RAB18: variants seen among roughly 807,000 people sequenced by gnomAD.
The protein encoded by RAB18 is ras-related protein Rab-18.
A neutral mutation model predicts 28.5 loss-of-function variants in RAB18; 10 were observed. The observed-to-expected ratio is 0.35, with a 90% CI of 0.22 to 0.60. The LOEUF (loss-of-function observed/expected upper bound fraction) is 0.60, where lower values mean the gene tolerates loss of function less well. RAB18 is among the 20% of genes least tolerant of loss of function. The pLI is 0.78. For missense variants in RAB18, 188 were observed against 244.2 expected, an observed-to-expected ratio of 0.77 and a Z score of 1.53; for synonymous variants, 93 against 86.9, an observed-to-expected ratio of 1.07 and a Z score of -0.39.
In RAB18 at chr10:27,532,493, A is replaced by T. The variant is rs1834808058; in HGVS notation, c.187-14A>T. 6.4e-7 allele frequency: 1 copy of T among 1,571,996 alleles called. No individual in the cohort carries two copies. Among genetic ancestry groups the T allele is most frequent in the East Asian group, 2.2e-5 (1 of 44,490 alleles). ...TTATACTTTGTTTAATTTAATAATAATGATCATTTTTAGGATACTGCTGGT... is the reference window on the plus strand; with the variant it reads ...TTATACTTTGTTTAATTTAATAATATTGATCATTTTTAGGATACTGCTGGT... On this transcript the variant is annotated splice_polypyrimidine_tract_variant and intron_variant, in intron 3 of 6. Coordinates refer to ENST00000356940, the MANE Select transcript of RAB18 (RefSeq NM_021252.5).
rs750802844 is a variant in RAB18 at position 27,541,886 on chromosome 10, C to T, written c.*3835C>T. The stretch of plus-strand genomic sequence containing the variant: ...GGTTTGGGTGGCATTGTCACACCCT[C>T]GGCTTTCTAGATTAACCCAGTTACC... On this transcript the variant is annotated 3_prime_UTR_variant, in exon 7 of 7. Transcript: ENST00000356940. 7 of 452,738 alleles carry T rather than the reference C, an allele frequency of 1.5e-5. No homozygotes were observed. The highest frequency in any genetic ancestry group is 2.2e-5 in the Non-Finnish European group (5 of 226,508). The allele number at this position is 452,738 out of a possible 1,614,324, so 28.0% of individuals were successfully genotyped here.
Position 27,538,808 on chromosome 10 carries a change from G to T in RAB18, c.*757G>T, listed in dbSNP as rs76051289. On this transcript the variant is annotated 3_prime_UTR_variant, in exon 7 of 7. Coordinates refer to ENST00000356940, the MANE Select transcript of RAB18 (RefSeq NM_021252.5). ...TTTTCCCCCATTTTGGTTTCAGGAG[G>T]ACATGAATAGTGTGTTTATTGTAAC... 8.0e-3 allele frequency: 3,649 copies of T among 453,988 alleles called. 95 individuals carry two copies. The highest frequency in any genetic ancestry group is 0.067 in the African/African-American group (3,344 of 50,074). The allele number at this position is 453,988 out of a possible 1,614,324, so 28.1% of individuals were successfully genotyped here.
chr10:27,528,570 C>A (rs947555316), intron 3 of RAB18, among the ~76,000 whole-genome samples: 5 of 152,080 alleles, frequency 3.3e-5, no homozygotes, highest in East Asian at 3.8e-4. Context: ...ACCTCACCCC[C>A]ACTCATAGTA....
rs376296789 is a variant in RAB18 at position 27,520,771 on chromosome 10, G to A, written c.125-6057G>A. On this transcript the variant is annotated intron_variant, in intron 2 of 6. Coordinates refer to ENST00000356940, the MANE Select transcript of RAB18 (RefSeq NM_021252.5). ...GTCTCTACTAAAAATACAAAAATTA[G>A]CCAGGCATAGTGGCGGGCACCTGTA... is the stretch of plus-strand genomic sequence containing the variant. Among the ~76,000 whole-genome samples the A allele has an allele frequency of 3.4e-4, 52 of 151,642 alleles. No homozygotes were observed. In the East Asian group the frequency reaches 6.0e-3, roughly 18 times the overall value.
intron 2 of RAB18, among the ~76,000 whole-genome samples, chr10:27,513,261 C>T (rs1834362969): frequency 6.6e-6 from 1 of 151,938 alleles, no homozygotes; most frequent in Non-Finnish European, 1.5e-5. Context: ...TCTTGAACTC[C>T]TGACCTCAAG....
Position 27,541,747 on chromosome 10 carries a change from T to C in RAB18, c.*3696T>C, listed in dbSNP as rs10829269. 2.2e-6 allele frequency: 1 copy of C among 453,322 alleles called. No homozygotes were observed. Among genetic ancestry groups the C allele is most frequent in the African/African-American group, 2.0e-5 (1 of 49,800 alleles). 28.1% of individuals were successfully genotyped at this position (453,322 alleles called of 1,614,324 possible). On this transcript the variant is annotated 3_prime_UTR_variant, in exon 7 of 7. Coordinates refer to ENST00000356940, the MANE Select transcript of RAB18 (RefSeq NM_021252.5). ...TACTTTTAATATTTTATTGGATATG[T>C]TTGTGACTGACTTTAATTTCTTGTT...
In RAB18 at chr10:27,537,832, C is replaced by T. The variant is rs1446344484; in HGVS notation, c.446-44C>T. On this transcript the variant is annotated intron_variant, in intron 6 of 6. Coordinates refer to ENST00000356940, the MANE Select transcript of RAB18 (RefSeq NM_021252.5). ...TCCCAGAAAAACATGAGAATATGGC[C>T]AGAAAGGAATATACTATGAATGACC... The T allele has an allele frequency of 3.3e-6, 5 of 1,520,752 alleles. No homozygotes were observed. In the Admixed American group the frequency reaches 6.7e-5, roughly 20 times the overall value. 94.2% of individuals were successfully genotyped at this position (1,520,752 alleles called of 1,614,324 possible).
chr10:27,520,547 C>G (rs1834524970), intron 2 of RAB18, among the ~76,000 whole-genome samples: 1 of 152,064 alleles, frequency 6.6e-6, no homozygotes, highest in African/African-American at 2.4e-5. Context: ...TTACTCCTCT[C>G]TTTTAGTTCC....
At chr10:27,520,592 T>C (rs1834525554) in intron 2 of RAB18, among the ~76,000 whole-genome samples, 1 of 152,072 alleles carries the variant, frequency 6.6e-6, no homozygotes, top group East Asian at 1.9e-4. Context: ...ATTTGAAGTT[T>C]TATTTCCTTT....
At position 27,538,074 on chromosome 10, in the gene RAB18, G is replaced by T. The variant is rs768625494; in HGVS notation, c.*23G>T. ...TAAACTCTGGGAAATTCCATCTCTTGCATATTTGATCAGATAGTGACATCT... is the reference window on the plus strand; with the variant it reads ...TAAACTCTGGGAAATTCCATCTCTTTCATATTTGATCAGATAGTGACATCT... On this transcript the variant is annotated 3_prime_UTR_variant, in exon 7 of 7. Transcript: ENST00000356940. 1.9e-6 allele frequency: 3 copies of T among 1,613,720 alleles called. No individual in the cohort carries two copies. Among genetic ancestry groups the T allele is most frequent in the Non-Finnish European group, 2.5e-6 (3 of 1,179,660 alleles).
chr10:27,511,444 G>A (rs151326803), intron 2 of RAB18, among the ~76,000 whole-genome samples: 1 of 152,106 alleles, frequency 6.6e-6, no homozygotes, highest in African/African-American at 2.4e-5. Flanking sequence ...GACCTCAAGT[G>A]ATCTACCCAC....
intron 2 of RAB18, among the ~76,000 whole-genome samples, chr10:27,519,192 G>T (rs1000347958): frequency 2.0e-5 from 3 of 150,764 alleles, no homozygotes; most frequent in Non-Finnish European, 3.0e-5. Flanking sequence ...AACTAAAAAA[G>T]AAATATCACG....
chr10:27,535,685 G>T (rs1589590852), intron 6 of RAB18, among the ~76,000 whole-genome samples: 2 of 152,180 alleles, frequency 1.3e-5, no homozygotes, highest in Non-Finnish European at 2.9e-5. Flanking sequence ...GGAAGAAGCG[G>T]TTTGACTGTG....
chr10:27,526,457 C>G (rs1002452666), intron 2 of RAB18, among the ~76,000 whole-genome samples: 1 of 152,068 alleles, frequency 6.6e-6, no homozygotes, highest in African/African-American at 2.4e-5. Flanking sequence ...TTAGGGAGCC[C>G]CTGGAAGCTG....
rs375153084 is a variant in RAB18 at position 27,533,716 on chromosome 10, A to T, written c.260-19A>T. ...TCTTTCTTTAATGCTTATTTAACAA[A>T]TGACTCCTTTTATTTCAGTTTATGA... On this transcript the variant is annotated intron_variant, in intron 4 of 6. Transcript: ENST00000356940. 6.2e-7 allele frequency: 1 copy of T among 1,611,142 alleles called. No homozygotes were observed. Among genetic ancestry groups the T allele is most frequent in the Admixed American group, 1.7e-5 (1 of 59,970 alleles).
At position 27,541,158 on chromosome 10, in the gene RAB18, G is replaced by A. The variant is rs1369936317; in HGVS notation, c.*3107G>A. The A allele has an allele frequency of 2.2e-6, 1 of 453,800 alleles. No individual in the cohort carries two copies. Among genetic ancestry groups the A allele is most frequent in the African/African-American group, 2.0e-5 (1 of 49,948 alleles). The allele number at this position is 453,800 out of a possible 1,614,324, so 28.1% of individuals were successfully genotyped here. Reference sequence around the variant, plus strand: ...GTCTTTCCTGTATTTCCCTAGTTAAGTATAGGGGTAAAAACGTTATTCAGC... The same window carrying A: ...GTCTTTCCTGTATTTCCCTAGTTAAATATAGGGGTAAAAACGTTATTCAGC... On this transcript the variant is annotated 3_prime_UTR_variant, in exon 7 of 7. Transcript: ENST00000356940.
rs996962321 is a variant in RAB18 at position 27,540,037 on chromosome 10, C to A, written c.*1986C>A. The stretch of plus-strand genomic sequence containing the variant: ...GGGTTTTGTTAATTCTTTTCAGAAT[C>A]ATTGAAGCAGTCTTAAAGGGTCTTT... On this transcript the variant is annotated 3_prime_UTR_variant, in exon 7 of 7. Coordinates refer to ENST00000356940, the MANE Select transcript of RAB18 (RefSeq NM_021252.5). The A allele has an allele frequency of 2.2e-6, 1 of 453,862 alleles. No individual in the cohort carries two copies. The highest frequency in any genetic ancestry group is 2.0e-5 in the African/African-American group (1 of 49,968). 28.1% of individuals were successfully genotyped at this position (453,862 alleles called of 1,614,324 possible).
chr10:27,522,105 TA>T (rs1456551459), intron 2 of RAB18, among the ~76,000 whole-genome samples: 4 of 152,132 alleles, frequency 2.6e-5, no homozygotes, highest in African/African-American at 9.7e-5. Context: ...AGTCAGGCAA[TA>T]AAAATAATCA....
intron 3 of RAB18, among the ~76,000 whole-genome samples, chr10:27,527,504 T>A (rs941305330): frequency 7.2e-5 from 11 of 152,038 alleles, no homozygotes; most frequent in Non-Finnish European, 1.5e-4. Flanking sequence ...TCTCTCTCTG[T>A]GTCTCCCTTT....
Sources: gnomAD v4.1 joint callset for allele counts (sites outside exome capture counted in the v4.1 genomes callset) on GRCh38, gnomAD v4.1.1 for gene constraint, MANE v1.5 for transcripts, NCBI Gene and HGNC (gene_info 2026-07-23, HGNC 2026-07-21) for gene names.